PLEKHA7: variants seen among roughly 807,000 people sequenced by gnomAD.
PLEKHA7 encodes the protein pleckstrin homology domain-containing family A member 7.
In PLEKHA7, 104 loss-of-function variants were observed where a neutral mutation model predicts 170.0. The observed-to-expected ratio is 0.61, with a 90% confidence interval of 0.52 to 0.72. The LOEUF (loss-of-function observed/expected upper bound fraction) is 0.72, where lower values mean the gene tolerates loss of function less well. PLEKHA7 is among the 30% of genes least tolerant of loss of function. The pLI is 0.00. For missense variants in PLEKHA7, 1,615 were observed against 1,671.7 expected (o/e 0.97, Z 0.59); for synonymous variants, 648 against 660.8 (o/e 0.98, Z 0.30).
rs771979908 is a variant in PLEKHA7, at chr11:16,817,234, G to A, written c.1432C>T (p.Arg478Ter). Residue 478 changes from arginine to a stop codon, truncating the protein, a stop_gained, in exon 11 of 27, where the codon CGA becomes TGA. Transcript: ENST00000531066. LOFTEE classifies it high-confidence loss of function. The surrounding 1 kb of genome is among the most constrained non-coding windows in gnomAD (Gnocchi z 4.4). ...GGCGAGGAGCCCCCCGAGGGGTGTC[G>A]GGTGCTCTTGGGAAGAGTCTGGTAG... ...ENYQTLPKST[R>*]HPSGGSSPPP... 11 of 1,613,968 alleles carry A rather than the reference G, an allele frequency of 6.8e-6. No homozygotes were observed. The highest frequency in any genetic ancestry group is 3.3e-5 in the South Asian group (3 of 91,076).
At chr11:16,986,804 A>G (rs751559108) in intron 3 of PLEKHA7, among the ~76,000 whole-genome samples, 1 of 152,176 alleles carries the variant, frequency 6.6e-6, no homozygotes, top group Non-Finnish European at 1.5e-5. Context: ...CCCCAATCAG[A>G]TAAGTATCAG....
At chr11:16,845,728 G>C (rs573584323) in intron 8 of PLEKHA7, among the ~76,000 whole-genome samples, 1 of 152,272 alleles carries the variant, frequency 6.6e-6, no homozygotes, top group African/African-American at 2.4e-5. Flanking sequence ...GACCACTCTG[G>C]CTGCAGTACA....
At chr11:16,809,008 G>A (rs1224836786) in intron 13 of PLEKHA7, among the ~76,000 whole-genome samples, 2 of 152,168 alleles carry the variant, frequency 1.3e-5, no homozygotes, top group Non-Finnish European at 2.9e-5. Flanking sequence ...AATTCATATT[G>A]CTCAAGTTGC....
chr11:16,984,108 T>C (rs1457908308), intron 3 of PLEKHA7, among the ~76,000 whole-genome samples: 1 of 151,796 alleles, frequency 6.6e-6, no homozygotes, highest in Non-Finnish European at 1.5e-5. Context: ...AGAACAAAAC[T>C]ACCATTTAAT....
intron 3 of PLEKHA7, among the ~76,000 whole-genome samples, chr11:16,873,037 T>A (rs1854991611): frequency 1.3e-5 from 2 of 152,194 alleles, no homozygotes; most frequent in Non-Finnish European, 2.9e-5. Context: ...TTCAAATTTT[T>A]CCTTGGGTTA....
rs146832475 is a variant in PLEKHA7 at position 16,859,836 on chromosome 11, G to A, written c.306-3922C>T. 6.0e-4 allele frequency among the ~76,000 whole-genome samples: 91 copies of A among 152,358 alleles called. No individual in the cohort carries two copies. The Middle Eastern group carries it at 0.01, about 17-fold the overall frequency. ...AGCAGCATGCCCTCAGGCACACTGC[G>A]TCACGCAGACCCCTGGGAGAGGAGA... On this transcript the variant is annotated intron_variant, in intron 4 of 26. Coordinates refer to ENST00000531066, the MANE Select transcript of PLEKHA7 (RefSeq NM_001329630.2).
intron 1 of PLEKHA7, 31 bp from the exon 2 acceptor site, chr11:17,014,232 C>T (rs1334725600): frequency 2.8e-5 from 41 of 1,445,596 alleles, no homozygotes; most frequent in Non-Finnish European, 3.4e-5. Context: ...CTGTTAGCGC[C>T]GCCACAGCCC....
At chr11:16,960,458 T>C (rs1861985767) in intron 3 of PLEKHA7, among the ~76,000 whole-genome samples, 1 of 152,022 alleles carries the variant, frequency 6.6e-6, no homozygotes, top group Admixed American at 6.5e-5. Flanking sequence ...GAAGGAGACA[T>C]ACACACCCCA....
At chr11:16,809,077 C>T (rs1793193923) in intron 13 of PLEKHA7, among the ~76,000 whole-genome samples, 1 of 152,202 alleles carries the variant, frequency 6.6e-6, no homozygotes, top group Admixed American at 6.5e-5. Flanking sequence ...AAGGCAGGAA[C>T]AGATGCTTAA....
chr11:16,989,361 C>T (rs1483209004), intron 3 of PLEKHA7, among the ~76,000 whole-genome samples: 1 of 152,198 alleles, frequency 6.6e-6, no homozygotes, highest in Admixed American at 6.5e-5. Flanking sequence ...TCAATTTCCT[C>T]AGCTACGAAA....
At chr11:16,862,066 C>G (rs373519231) in intron 4 of PLEKHA7, among the ~76,000 whole-genome samples, 1 of 152,196 alleles carries the variant, frequency 6.6e-6, no homozygotes, top group South Asian at 2.1e-4. Context: ...AAACTCCCAA[C>G]AGCCTGGGGG....
intron 17 of PLEKHA7, 88 bp downstream of exon 17, chr11:16,800,886 C>T: frequency 1.8e-6 from 2 of 1,142,776 alleles, no homozygotes; most frequent in Non-Finnish European, 2.6e-6. Context: ...GCAGTGCTCA[C>T]AACCCCCACA....
At chr11:16,930,017 AT>A (rs1179598060) in intron 3 of PLEKHA7, among the ~76,000 whole-genome samples, 1 of 151,606 alleles carries the variant, frequency 6.6e-6, no homozygotes, top group Non-Finnish European at 1.5e-5. Context: ...AAAAATAAAA[AT>A]AAAAATAAAA....
chr11:16,908,132 G>C (rs1362302297), intron 3 of PLEKHA7, among the ~76,000 whole-genome samples: 1 of 151,394 alleles, frequency 6.6e-6, no homozygotes, highest in Non-Finnish European at 1.5e-5. Context: ...ACTGCAGAGG[G>C]CCGCAGGGTC....
At chr11:16,961,168 G>A (rs985804554) in intron 3 of PLEKHA7, among the ~76,000 whole-genome samples, 4 of 152,164 alleles carry the variant, frequency 2.6e-5, no homozygotes, top group Non-Finnish European at 5.9e-5. Context: ...GTCATTCAGC[G>A]AAGTTTCCTC....
rs138838037 is a variant in PLEKHA7 at position 16,987,017 on chromosome 11, G to A, written c.221+26972C>T. On this transcript the variant is annotated intron_variant, in intron 3 of 26. Transcript: ENST00000531066. Reference sequence around the variant, plus strand: ...CAGCCCAACCCAGCCCAGGGAAGGCGGAGAGGAAGCAGTGAGCTGTTTTAC... The same window carrying A: ...CAGCCCAACCCAGCCCAGGGAAGGCAGAGAGGAAGCAGTGAGCTGTTTTAC... Among the ~76,000 whole-genome samples the A allele has an allele frequency of 1.4e-3, 219 of 152,276 alleles. 1 individual carries two copies. The highest frequency in any genetic ancestry group is 2.8e-3 in the Non-Finnish European group (191 of 68,014).
At chr11:16,905,506 A>G (rs1857601433) in intron 3 of PLEKHA7, among the ~76,000 whole-genome samples, 3 of 152,170 alleles carry the variant, frequency 2.0e-5, no homozygotes. Context: ...AGCTGAGCCC[A>G]CAGCCCCTCT....
chr11:16,911,536 C>T (rs1473217252), intron 3 of PLEKHA7, among the ~76,000 whole-genome samples: 1 of 152,184 alleles, frequency 6.6e-6, no homozygotes, highest in Non-Finnish European at 1.5e-5. Context: ...TCCAAACACA[C>T]ACAGCCAAGG....
chr11:16,850,715 T>G (rs1467521435), intron 8 of PLEKHA7, among the ~76,000 whole-genome samples: 1 of 152,210 alleles, frequency 6.6e-6, no homozygotes. Context: ...ATCCAGAAGA[T>G]AAACCAAATT....
Sources: gnomAD v4.1 joint callset for allele counts (sites outside exome capture counted in the v4.1 genomes callset) on GRCh38, gnomAD v4.1.1 for gene constraint, Gnocchi (gnomAD v3.1) non-coding constraint, MANE v1.5 for transcripts, NCBI Gene and HGNC (gene_info 2026-07-23, HGNC 2026-07-21) for gene names.